The following DNMT3A variants were observed in gnomAD, a reference collection of about 807,000 sequenced individuals.
DNMT3A encodes the protein DNA methyltransferase 3 alpha, also known as DNA (cytosine-5)-methyltransferase 3A.
Under a neutral mutation model 117.6 loss-of-function variants are expected in DNMT3A, and 267 were observed. The observed-to-expected ratio is 2.27, with a 90% CI of 2.05 to 2.51. The LOEUF (loss-of-function observed/expected upper bound fraction) is 2.51. DNMT3A is among the 30% of genes most tolerant of loss of function. The pLI is 0.00. For synonymous variants in DNMT3A, 432 were observed against 474.8 expected (o/e 0.91, Z 1.17); for missense variants, 1,029 against 1,260.2 (o/e 0.82, Z 2.78).
rs539874054 is a variant in DNMT3A, at chr2:25,338,561, C to T, written c.-178+3265G>A. Among the ~76,000 whole-genome samples the T allele has an allele frequency of 1.9e-4, 29 of 152,254 alleles. No homozygotes were observed. The South Asian group carries it at 3.5e-3, about 19-fold the overall frequency. On this transcript the variant is annotated intron_variant, in intron 1 of 22. Coordinates refer to ENST00000321117, the MANE Select transcript of DNMT3A (RefSeq NM_022552.5). ...CCAGCACTAACCTGCCTCGCTGCCT[C>T]GGGGAGAGGACTGGAGGGCAGTGCG... is the stretch of plus-strand genomic sequence containing the variant.
rs544600356 is a variant in DNMT3A at position 25,321,525 on chromosome 2, T to C, written c.-177-7364A>G. Among the ~76,000 whole-genome samples, 7 of 152,334 alleles carry C rather than the reference T, an allele frequency of 4.6e-5. No individual in the cohort carries two copies. The South Asian group carries it at 1.0e-3, about 23-fold the overall frequency. ...CACATCTGCAAAGTCCCTTTTGCCA[T>C]GTAAGGTGACATATTCACAGGTCCA... On this transcript the variant is annotated intron_variant, in intron 1 of 22. Coordinates refer to ENST00000321117, the MANE Select transcript of DNMT3A (RefSeq NM_022552.5).
intron 6 of DNMT3A, among the ~76,000 whole-genome samples, chr2:25,272,991 T>TTTTTTTTTTTA (rs1553421119): frequency 1.4e-5 from 2 of 147,864 alleles, no homozygotes; most frequent in African/African-American, 5.1e-5. Context: ...TTTTTTTTTT[T>TTTTTTTTTTTA]GAGACAGAGT....
chr2:25,338,067 C>T (rs529695109), intron 1 of DNMT3A, among the ~76,000 whole-genome samples: 1 of 152,164 alleles, frequency 6.6e-6, no homozygotes, highest in Non-Finnish European at 1.5e-5. Context: ...CAGTGGGGCA[C>T]GGGGTGGGGA....
chr2:25,260,161 G>A (rs1036624023), intron 6 of DNMT3A, among the ~76,000 whole-genome samples: 3 of 152,196 alleles, frequency 2.0e-5, no homozygotes, highest in Non-Finnish European at 4.4e-5. Context: ...GACCCCCGCC[G>A]CCAATGCAGG....
At chr2:25,330,741 C>T (rs888990265) in intron 1 of DNMT3A, among the ~76,000 whole-genome samples, 4 of 152,232 alleles carry the variant, frequency 2.6e-5, no homozygotes, top group Non-Finnish European at 4.4e-5. Context: ...CTGCAACATC[C>T]CCCCTGTCCC....
chr2:25,277,964 T>C (rs907931128), intron 4 of DNMT3A, among the ~76,000 whole-genome samples: 3 of 151,358 alleles, frequency 2.0e-5, no homozygotes, highest in Non-Finnish European at 4.4e-5. Context: ...TCTGGAATTT[T>C]CTCCCTGACA....
rs1472103659 is a variant in DNMT3A, at chr2:25,298,555, G to C, written c.177+1584C>G. ...TTGCACGTTGCCAAGCCTCAGGAGA[G>C]AGGCAGGGCACGCTGCAAATGTGGA... On this transcript the variant is annotated intron_variant, in intron 3 of 22. Coordinates refer to ENST00000321117, the MANE Select transcript of DNMT3A (RefSeq NM_022552.5). The surrounding 1 kb of genome is among the most constrained non-coding windows in gnomAD (Gnocchi z 4.3). Among the ~76,000 whole-genome samples, 1 of 152,148 alleles carries C rather than the reference G, an allele frequency of 6.6e-6. No individual in the cohort carries two copies. The highest frequency in any genetic ancestry group is 2.4e-5 in the African/African-American group (1 of 41,422).
chr2:25,284,275 T>C (rs930599325), intron 3 of DNMT3A, among the ~76,000 whole-genome samples: 11 of 152,240 alleles, frequency 7.2e-5, no homozygotes, highest in Admixed American at 3.3e-4. Context: ...TGGAGATGAC[T>C]GGTCTAGACC....
chr2:25,250,455 G>C (rs942252139), intron 6 of DNMT3A, among the ~76,000 whole-genome samples: 1 of 152,176 alleles, frequency 6.6e-6, no homozygotes, highest in African/African-American at 2.4e-5. Flanking sequence ...ATGAGCTCAC[G>C]GATCGGACTG....
In DNMT3A at chr2:25,232,678, G is replaced by A. The variant is rs565151423; in HGVS notation, c.*1601C>T. 6.1e-6 allele frequency: 1 copy of A among 163,616 alleles called. No homozygotes were observed. The highest frequency in any genetic ancestry group is 2.4e-5 in the African/African-American group (1 of 41,914). The allele number at this position is 163,616 out of a possible 1,614,324, so 10.1% of individuals were successfully genotyped here. A position where few individuals can be genotyped will look rare whatever the true frequency, so the allele number is the denominator to read the frequency against. ...CCGAGGGGTGGGAGCCAGGGCACCA[G>A]AGCCACCGCTAACTCAGAAGCACCC... On this transcript the variant is annotated 3_prime_UTR_variant, in exon 23 of 23. Transcript: ENST00000321117. This position sits in a 1 kb window ranked among gnomAD's most constrained non-coding sequence, Gnocchi z 4.1.
chr2:25,246,868 G>A (rs888892409), intron 9 of DNMT3A, 92 bp from the exon 10 acceptor site: 33 of 1,558,706 alleles, frequency 2.1e-5, no homozygotes, highest in Non-Finnish European at 2.5e-5. Context: ...AGTGAGGGTG[G>A]CACAGGCAAG....
chr2:25,325,340 CA>C (rs1243195030), intron 1 of DNMT3A, among the ~76,000 whole-genome samples: 1 of 152,140 alleles, frequency 6.6e-6, no homozygotes, highest in African/African-American at 2.4e-5. Context: ...CACAGGGTGG[CA>C]CAGAGTCCAT....
chr2:25,268,685 G>A (rs542345849), intron 6 of DNMT3A, among the ~76,000 whole-genome samples: 24 of 152,172 alleles, frequency 1.6e-4, no homozygotes, highest in Non-Finnish European at 2.6e-4. Flanking sequence ...GGTGAGAATG[G>A]CAGGAATACA....
Position 25,247,446 on chromosome 2 carries a change from C to A in DNMT3A, c.1014+145G>T. Reference sequence around the variant, plus strand: ...AGGTGCAACCTAATTATCCCTACAGCTTCTTCCACCCACCACAGGCAGAGT... The same window carrying A: ...AGGTGCAACCTAATTATCCCTACAGATTCTTCCACCCACCACAGGCAGAGT... On this transcript the variant is annotated intron_variant, in intron 8 of 22. Transcript: ENST00000321117. This position sits in a 1 kb window ranked among gnomAD's most constrained non-coding sequence, Gnocchi z 5.6. 1 of 1,292,926 alleles carries A rather than the reference C, an allele frequency of 7.7e-7. No individual in the cohort carries two copies. Among genetic ancestry groups the A allele is most frequent in the Non-Finnish European group, 1.1e-6 (1 of 945,046 alleles). The allele number at this position is 1,292,926 out of a possible 1,614,324, so 80.1% of individuals were successfully genotyped here.
intron 1 of DNMT3A, among the ~76,000 whole-genome samples, chr2:25,329,391 G>A (rs889053533): frequency 1.3e-5 from 2 of 152,158 alleles, no homozygotes; most frequent in African/African-American, 4.8e-5. Flanking sequence ...GGCCTGGCAC[G>A]TGGCAGGTAC....
At position 25,234,340 on chromosome 2, in the gene DNMT3A, C is replaced by G. The variant is rs750515748; in HGVS notation, c.2678G>C (p.Trp893Ser). 2.5e-6 allele frequency: 4 copies of G among 1,614,154 alleles called. No homozygotes were observed. Among genetic ancestry groups the G allele is most frequent in the Non-Finnish European group, 3.4e-6 (4 of 1,180,014 alleles). Reference sequence around the variant, plus strand: ...GAGGTGGCGGATGACTGGCACGCTCCATGACCGGCCCAGCAGTCTCTGCCT... The same window carrying G: ...GAGGTGGCGGATGACTGGCACGCTCGATGACCGGCCCAGCAGTCTCTGCCT... ...LARQRLLGRS[W>S]SVPVIRHLFA... Residue 893 changes from tryptophan (W) to serine (S), a missense_variant, in exon 23 of 23, where the codon TGG becomes TCG. Physicochemically the swap from Trp to Ser is radical, Grantham distance 177. Transcript: ENST00000321117. The surrounding 1 kb of genome is among the most constrained non-coding windows in gnomAD (Gnocchi z 4.5).
chr2:25,322,275 A>G (rs2034624492), intron 1 of DNMT3A, among the ~76,000 whole-genome samples: 1 of 152,154 alleles, frequency 6.6e-6, no homozygotes, highest in Admixed American at 6.5e-5. Flanking sequence ...TTACGTCCCA[A>G]CTGCAGCCAT....
At chr2:25,325,495 C>G (rs887914796) in intron 1 of DNMT3A, among the ~76,000 whole-genome samples, 1 of 152,192 alleles carries the variant, frequency 6.6e-6, no homozygotes, top group Non-Finnish European at 1.5e-5. Context: ...TCCACAGCTG[C>G]CAGCTCCAGA....
At position 25,236,012 on chromosome 2, in the gene DNMT3A, C is replaced by T. The variant is rs1054958888; in HGVS notation, c.2479-187G>A. Among the ~76,000 whole-genome samples, 8 of 152,074 alleles carry T rather than the reference C, an allele frequency of 5.3e-5. No individual in the cohort carries two copies. Among genetic ancestry groups the T allele is most frequent in the Non-Finnish European group, 8.8e-5 (6 of 68,032 alleles). ...AGCCTCCACAGACCCCACAGCCTCA[C>T]TTTTCTTCCTACTTGGAGGTCACCT... On this transcript the variant is annotated intron_variant, in intron 21 of 22. Coordinates refer to ENST00000321117, the MANE Select transcript of DNMT3A (RefSeq NM_022552.5). This position sits in a 1 kb window ranked among gnomAD's most constrained non-coding sequence, Gnocchi z 4.5.
Sources: gnomAD v4.1 joint callset for allele counts (sites outside exome capture counted in the v4.1 genomes callset) on GRCh38, gnomAD v4.1.1 for gene constraint, Gnocchi (gnomAD v3.1) non-coding constraint, MANE v1.5 for transcripts, NCBI Gene and HGNC (gene_info 2026-07-23, HGNC 2026-07-21) for gene names.